The following CISD3 variants were observed in gnomAD, a reference collection of about 807,000 sequenced individuals.
The protein encoded by CISD3 is CDGSH iron-sulfur domain-containing protein 3, mitochondrial.
A neutral mutation model predicts 14.1 loss-of-function variants in CISD3; 11 were observed. The ratio of observed to expected loss-of-function variants is 0.78; its 90% CI spans 0.49 to 1.29. The LOEUF (loss-of-function observed/expected upper bound fraction) is 1.29, where lower values mean the gene tolerates loss of function less well. CISD3 is among the 50% of genes most tolerant of loss of function. CISD3 has a pLI of 0.00. For missense variants in CISD3, 156 were observed against 171.6 expected (o/e 0.91, Z 0.51); for synonymous variants, 53 against 69.2 (o/e 0.77, Z 1.16).
chr17:38,730,905 G>T, intron 2 of CISD3, 110 bp downstream of exon 2: 1 of 1,204,834 alleles, frequency 8.3e-7, no homozygotes. Flanking sequence ...ATTCCCTGGA[G>T]TTAGCCCGTG....
chr17:38,735,111 C>A lies in CISD3; in HGVS notation c.*1656C>A, dbSNP rs1906578024. ...TATATTTATTTATAAAACCCGCCCC[C>A]CACCCCCAAGGTGGGAAGAGCTGGG... On this transcript the variant is annotated 3_prime_UTR_variant, in exon 4 of 4. Coordinates refer to ENST00000613478, the MANE Select transcript of CISD3 (RefSeq NM_001136498.2). 4.9e-6 allele frequency: 4 copies of A among 809,762 alleles called. No homozygotes were observed. Among genetic ancestry groups the A allele is most frequent in the Non-Finnish European group, 6.9e-6 (4 of 578,212 alleles). 50.2% of individuals were successfully genotyped at this position (809,762 alleles called of 1,614,324 possible).
intron 2 of CISD3, 117 bp downstream of exon 2, chr17:38,730,912 C>G (rs1567935287): frequency 8.6e-7 from 1 of 1,166,044 alleles, no homozygotes; most frequent in South Asian, 1.4e-5. Flanking sequence ...GGAGTTAGCC[C>G]GTGGCTCTCA....
At chr17:38,732,646 C>A (rs761125201) in intron 3 of CISD3, among the ~76,000 whole-genome samples, 10 of 152,082 alleles carry the variant, frequency 6.6e-5, no homozygotes, top group Non-Finnish European at 1.5e-4. Flanking sequence ...AAAAAAAAGG[C>A]CTTGGCACCA....
chr17:38,733,481 G>T lies in CISD3; in HGVS notation c.*26G>T. The T allele has an allele frequency of 6.7e-7, 1 of 1,496,662 alleles. No individual in the cohort carries two copies. The highest frequency in any genetic ancestry group is 1.4e-5 in the African/African-American group (1 of 71,800). 92.7% of individuals were successfully genotyped at this position (1,496,662 alleles called of 1,614,324 possible). ...GGGGGCTGCTGCTGTCCAGCCACAG[G>T]TGGCCTTGGCTCCAGGCCTCTGACA... On this transcript the variant is annotated 3_prime_UTR_variant, in exon 4 of 4. Coordinates refer to ENST00000613478, the MANE Select transcript of CISD3 (RefSeq NM_001136498.2).
chr17:38,733,514 C>A lies in CISD3; in HGVS notation c.*59C>A, dbSNP rs1387437797. 3 of 1,440,426 alleles carry A rather than the reference C, an allele frequency of 2.1e-6. No individual in the cohort carries two copies. The highest frequency in any genetic ancestry group is 2.8e-6 in the Non-Finnish European group (3 of 1,088,930). The allele number at this position is 1,440,426 out of a possible 1,614,324, so 89.2% of individuals were successfully genotyped here. A position where few individuals can be genotyped will look rare whatever the true frequency, so the allele number is the denominator to read the frequency against. On this transcript the variant is annotated 3_prime_UTR_variant, in exon 4 of 4. Coordinates refer to ENST00000613478, the MANE Select transcript of CISD3 (RefSeq NM_001136498.2). ...GGCTCCAGGCCTCTGACAGGCACCC[C>A]CTTCTGTGGGAAAGGAAACAGGTGC... is the stretch of plus-strand genomic sequence containing the variant.
At chr17:38,732,236 T>C (rs1444295824) in intron 3 of CISD3, among the ~76,000 whole-genome samples, 4 of 152,150 alleles carry the variant, frequency 2.6e-5, no homozygotes, top group Non-Finnish European at 4.4e-5. Flanking sequence ...GGTCCTTGAG[T>C]CCCACTTAGG....
At position 38,735,199 on chromosome 17, in the gene CISD3, G is replaced by A. The variant is rs1906586089; in HGVS notation, c.*1744G>A. ...TGGAAGGAGTGGAGAGGCTTGGCTG[G>A]AAGAAGGGAGAGGGTCCCTGGCCTC... On this transcript the variant is annotated 3_prime_UTR_variant, in exon 4 of 4. Coordinates refer to ENST00000613478, the MANE Select transcript of CISD3 (RefSeq NM_001136498.2). The A allele has an allele frequency of 5.8e-6, 8 of 1,382,920 alleles. No homozygotes were observed. The highest frequency in any genetic ancestry group is 7.6e-6 in the Non-Finnish European group (8 of 1,058,282). 85.7% of individuals were successfully genotyped at this position (1,382,920 alleles called of 1,614,324 possible).
Position 38,735,264 on chromosome 17 carries a change from T to C in CISD3, c.*1809T>C, listed in dbSNP as rs1297640476. On this transcript the variant is annotated 3_prime_UTR_variant, in exon 4 of 4. Transcript: ENST00000613478. The stretch of plus-strand genomic sequence containing the variant: ...ACGGGAGCGCCGTTGACAGTCATCT[T>C]GCGCCCCCTGCTGGTGGAGGATGGT... The C allele has an allele frequency of 6.8e-7, 1 of 1,466,384 alleles. No individual in the cohort carries two copies. Among genetic ancestry groups the C allele is most frequent in the Non-Finnish European group, 9.1e-7 (1 of 1,098,380 alleles). 90.8% of individuals were successfully genotyped at this position (1,466,384 alleles called of 1,614,324 possible). A position where few individuals can be genotyped will look rare whatever the true frequency, so the allele number is the denominator to read the frequency against.
intron 3 of CISD3, 67 bp from the exon 4 acceptor site, chr17:38,733,209 T>A (rs1906420509): frequency 1.1e-5 from 9 of 815,858 alleles, no homozygotes; most frequent in Non-Finnish European, 1.5e-5. Flanking sequence ...CCTGAGCTCC[T>A]GCAGCCTGCC....
chr17:38,731,446 C>G lies in CISD3; in HGVS notation c.204+7C>G. ...TGGCCGCAGCAAGAAGCAGGTGAGA[C>G]CCCTGTCTGCCTTCCTACTGATACC... On this transcript the variant is annotated splice_region_variant and intron_variant, in intron 3 of 3. Coordinates refer to ENST00000613478, the MANE Select transcript of CISD3 (RefSeq NM_001136498.2). 6.4e-7 allele frequency: 1 copy of G among 1,551,506 alleles called. No individual in the cohort carries two copies. The highest frequency in any genetic ancestry group is 8.7e-7 in the Non-Finnish European group (1 of 1,146,898).
chr17:38,735,345 T>C lies in CISD3; in HGVS notation c.*1890T>C, dbSNP rs1188153848. 1 of 1,555,832 alleles carries C rather than the reference T, an allele frequency of 6.4e-7. No homozygotes were observed. Among genetic ancestry groups the C allele is most frequent in the Non-Finnish European group, 8.7e-7 (1 of 1,147,732 alleles). On this transcript the variant is annotated 3_prime_UTR_variant, in exon 4 of 4. Transcript: ENST00000613478. Reference sequence around the variant, plus strand: ...GCAGCTGTGGTGGCCCCACTGGCTGTCGAAGGGGGAGTGGGGGAGGTAGGG... The same window carrying C: ...GCAGCTGTGGTGGCCCCACTGGCTGCCGAAGGGGGAGTGGGGGAGGTAGGG...
At position 38,735,525 on chromosome 17, in the gene CISD3, AG is replaced by A; in HGVS notation, c.*2075del. 6.3e-7 allele frequency: 1 copy of A among 1,587,556 alleles called. No individual in the cohort carries two copies. ...GCCCCGCTGGTGTTGGTGCCCTCGG[AG>A]GGGGTGGGCACCGTGGCTAGGGTGA... On this transcript the variant is annotated 3_prime_UTR_variant, in exon 4 of 4. Transcript: ENST00000613478.
At position 38,730,416 on chromosome 17, in the gene CISD3, C is replaced by G. The variant is rs1906277618; in HGVS notation, c.48+10C>G. Reference sequence around the variant, plus strand: ...GGCGCGTGGTGCCCGGGTGAGCACCCCCGCCCTGCACCAGCCCCCGTCCCG... The same window carrying G: ...GGCGCGTGGTGCCCGGGTGAGCACCGCCGCCCTGCACCAGCCCCCGTCCCG... On this transcript the variant is annotated intron_variant, in intron 1 of 3. Coordinates refer to ENST00000613478, the MANE Select transcript of CISD3 (RefSeq NM_001136498.2). 3.2e-6 allele frequency: 4 copies of G among 1,260,000 alleles called. No individual in the cohort carries two copies. In the South Asian group the frequency reaches 7.9e-5, roughly 25 times the overall value. The allele number at this position is 1,260,000 out of a possible 1,614,324, so 78.1% of individuals were successfully genotyped here.
rs764305411 is a variant in CISD3 at position 38,735,240 on chromosome 17, C to A, written c.*1785C>A. The A allele has an allele frequency of 4.2e-6, 6 of 1,441,990 alleles. No homozygotes were observed. The highest frequency in any genetic ancestry group is 2.8e-5 in the African/African-American group (2 of 70,372). 89.3% of individuals were successfully genotyped at this position (1,441,990 alleles called of 1,614,324 possible). A position where few individuals can be genotyped will look rare whatever the true frequency, so the allele number is the denominator to read the frequency against. ...CCCTGGCCTCAAGTTAAGGGGGGCA[C>A]GGGAGCGCCGTTGACAGTCATCTTG... is the stretch of plus-strand genomic sequence containing the variant. On this transcript the variant is annotated 3_prime_UTR_variant, in exon 4 of 4. Coordinates refer to ENST00000613478, the MANE Select transcript of CISD3 (RefSeq NM_001136498.2).
chr17:38,735,009 T>C lies in CISD3; in HGVS notation c.*1554T>C, dbSNP rs921960266. The C allele has an allele frequency of 5.2e-6, 2 of 387,496 alleles. No individual in the cohort carries two copies. Among genetic ancestry groups the C allele is most frequent in the African/African-American group, 4.1e-5 (2 of 48,320 alleles). 24.0% of individuals were successfully genotyped at this position (387,496 alleles called of 1,614,324 possible). On this transcript the variant is annotated 3_prime_UTR_variant, in exon 4 of 4. Transcript: ENST00000613478. ...ACACACACACATAAAGTTTGTTTCC[T>C]GTGGCATTTAAATTAATCTGGTTGG...
At chr17:38,732,375 G>A (rs1646250468) in intron 3 of CISD3, among the ~76,000 whole-genome samples, 2 of 152,180 alleles carry the variant, frequency 1.3e-5, no homozygotes, top group African/African-American at 4.8e-5. Flanking sequence ...TGGCTCACCT[G>A]TAATCCCAGC....
intron 3 of CISD3, 98 bp downstream of exon 3, chr17:38,731,537 C>G: frequency 2.0e-6 from 3 of 1,466,554 alleles, no homozygotes; most frequent in Non-Finnish European, 2.8e-6. Flanking sequence ...TCTTCCCACA[C>G]ATACCTGAGG....
rs1166211478 is a variant in CISD3 at position 38,731,749 on chromosome 17, G to T, written c.204+310G>T. On this transcript the variant is annotated intron_variant, in intron 3 of 3. Coordinates refer to ENST00000613478, the MANE Select transcript of CISD3 (RefSeq NM_001136498.2). ...GGCGAAGCTCACCTGGCCCTTCCCT[G>T]TCTCCTTCCAGGAAGCGCCTGGGCC... is the stretch of plus-strand genomic sequence containing the variant. 1.6e-5 allele frequency: 5 copies of T among 310,770 alleles called. No individual in the cohort carries two copies. In the East Asian group the frequency reaches 2.4e-4, roughly 15 times the overall value. The allele number at this position is 310,770 out of a possible 1,614,324, so 19.3% of individuals were successfully genotyped here.
intron 1 of CISD3, 75 bp from the exon 2 acceptor site, chr17:38,730,685 C>G (rs1906290809): frequency 6.2e-6 from 9 of 1,460,434 alleles, no homozygotes; most frequent in Non-Finnish European, 8.5e-6. Context: ...CCGTGTCCTT[C>G]CCTTTCCACT....
Sources: allele counts gnomAD v4.1 joint callset (sites outside exome capture counted in the v4.1 genomes callset), GRCh38; gene constraint gnomAD v4.1.1; transcripts MANE v1.5; gene names NCBI Gene and HGNC (gene_info 2026-07-23, HGNC 2026-07-21).